Variants in CDIN1 observed in about 807,000 individuals in gnomAD.
CDIN1 encodes the protein CDAN1-interacting nuclease 1.
In CDIN1, 33 loss-of-function variants were observed where a neutral mutation model predicts 45.3. The ratio of observed to expected loss-of-function variants is 0.73; its 90% CI spans 0.55 to 0.97. The LOEUF (loss-of-function observed/expected upper bound fraction) is 0.97, where lower values mean the gene tolerates loss of function less well. Among genes scored for constraint, CDIN1 ranks in the 50% least tolerant of loss-of-function variants. CDIN1 has a pLI of 0.00. For missense variants in CDIN1, 303 were observed against 339.4 expected, an observed-to-expected ratio of 0.89 and a Z score of 0.84; for synonymous variants, 118 against 124.4, an observed-to-expected ratio of 0.95 and a Z score of 0.34.
chr15:36,793,037 C>A (rs372585999), intron 10 of CDIN1, among the ~76,000 whole-genome samples: 17 of 152,112 alleles, frequency 1.1e-4, no homozygotes, highest in African/African-American at 3.9e-4. Flanking sequence ...AGTATCTCCC[C>A]CCTCTTACCC....
intron 5 of CDIN1, among the ~76,000 whole-genome samples, chr15:36,674,329 A>G (rs937379272): frequency 2.0e-5 from 3 of 152,292 alleles, no homozygotes; most frequent in African/African-American, 7.2e-5. Context: ...ACTGAAACAC[A>G]CAAAGTCATT....
intron 10 of CDIN1, chr15:36,799,407 C>G (rs2141120219): frequency 6.6e-6 from 1 of 152,308 alleles, no homozygotes; most frequent in East Asian, 1.9e-4. Flanking sequence ...AACTCATCCT[C>G]CCGTTTCCCA....
chr15:36,679,667 T>C (rs2041782542), intron 5 of CDIN1, among the ~76,000 whole-genome samples: 1 of 152,224 alleles, frequency 6.6e-6, no homozygotes, highest in Non-Finnish European at 1.5e-5. Context: ...TCCTGTTATA[T>C]GACTTTCAAG....
At chr15:36,753,450 C>T (rs749715781) in intron 10 of CDIN1, among the ~76,000 whole-genome samples, 2 of 151,890 alleles carry the variant, frequency 1.3e-5, no homozygotes, top group East Asian at 1.9e-4. Flanking sequence ...GTATGGCTAC[C>T]GGGTTAGATC....
At chr15:36,781,909 A>G (rs1300099819) in intron 10 of CDIN1, among the ~76,000 whole-genome samples, 1 of 152,176 alleles carries the variant, frequency 6.6e-6, no homozygotes, top group African/African-American at 2.4e-5. Flanking sequence ...GTCCTCACCA[A>G]TCTCAGAAGC....
intron 1 of CDIN1, among the ~76,000 whole-genome samples, chr15:36,588,419 T>G (rs755602214): frequency 1.6e-4 from 24 of 152,300 alleles, no homozygotes; most frequent in East Asian, 5.8e-4. Context: ...CTGATAATTT[T>G]GTGGTGGACC....
At chr15:36,690,505 A>T (rs2140701372) in intron 5 of CDIN1, among the ~76,000 whole-genome samples, 1 of 151,996 alleles carries the variant, frequency 6.6e-6, no homozygotes, top group South Asian at 2.1e-4. Flanking sequence ...CCTGACCTCA[A>T]GATCCACCCG....
At chr15:36,793,051 C>T (rs1036187684) in intron 10 of CDIN1, among the ~76,000 whole-genome samples, 2 of 152,164 alleles carry the variant, frequency 1.3e-5, no homozygotes, top group African/African-American at 4.8e-5. Context: ...CTTACCCACT[C>T]GGTGAACTTT....
chr15:36,803,938 T>A (rs2055135624), intron 10 of CDIN1, among the ~76,000 whole-genome samples: 1 of 152,198 alleles, frequency 6.6e-6, no homozygotes. Flanking sequence ...GACTCTCTTT[T>A]TCTGGTTAAA....
chr15:36,595,030 G>A, intron 1 of CDIN1: 1 of 513,396 alleles, frequency 1.9e-6, no homozygotes, highest in African/African-American at 2.1e-5. Context: ...TGTTCTTATG[G>A]CTTATGGAAA....
At chr15:36,607,105 T>G (rs925675363) in intron 1 of CDIN1, among the ~76,000 whole-genome samples, 4 of 152,184 alleles carry the variant, frequency 2.6e-5, no homozygotes, top group African/African-American at 9.7e-5. Context: ...TGTTAAAATT[T>G]TAAGTGTCAC....
rs141527899 is a variant in CDIN1, at chr15:36,795,808, T to A, written c.717-12516T>A. Reference sequence around the variant, plus strand: ...ACCTCGAACTCCTGGGCCCAAGCAATCTTCCCATCTCAGCCTCCTAAAATG... The same window carrying A: ...ACCTCGAACTCCTGGGCCCAAGCAAACTTCCCATCTCAGCCTCCTAAAATG... On this transcript the variant is annotated intron_variant, in intron 10 of 10. Transcript: ENST00000566621. Among the ~76,000 whole-genome samples the A allele has an allele frequency of 1.4e-3, 212 of 152,200 alleles. 1 individual carries two copies. Among genetic ancestry groups the A allele is most frequent in the East Asian group, 8.1e-3 (42 of 5,176 alleles).
chr15:36,745,950 A>C (rs1274820074), intron 10 of CDIN1, among the ~76,000 whole-genome samples: 3 of 152,140 alleles, frequency 2.0e-5, no homozygotes, highest in African/African-American at 7.2e-5. Context: ...TGGGCGACAG[A>C]GTGAGACGCC....
chr15:36,662,030 C>G (rs553307641), intron 5 of CDIN1, among the ~76,000 whole-genome samples: 11 of 152,260 alleles, frequency 7.2e-5, no homozygotes, highest in Admixed American at 7.2e-4. Flanking sequence ...GCTACTGAGT[C>G]TGAATATAAG....
intron 10 of CDIN1, among the ~76,000 whole-genome samples, chr15:36,803,786 G>C (rs1277867478): frequency 6.6e-6 from 1 of 152,018 alleles, no homozygotes; most frequent in Non-Finnish European, 1.5e-5. Flanking sequence ...TTCTAAATCA[G>C]ACATACTCTT....
chr15:36,801,874 T>C (rs1279305453), intron 10 of CDIN1, among the ~76,000 whole-genome samples: 1 of 152,198 alleles, frequency 6.6e-6, no homozygotes, highest in Non-Finnish European at 1.5e-5. Flanking sequence ...GATACTTAAA[T>C]TGAAATAAGT....
chr15:36,722,019 A>C (rs1297319182), intron 10 of CDIN1, among the ~76,000 whole-genome samples: 2 of 151,474 alleles, frequency 1.3e-5, no homozygotes, highest in African/African-American at 4.9e-5. Context: ...ACTGTTCTTC[A>C]TTGCTTGATG....
chr15:36,698,032 A>G (rs1436771143), intron 8 of CDIN1, among the ~76,000 whole-genome samples: 1 of 152,192 alleles, frequency 6.6e-6, no homozygotes, highest in African/African-American at 2.4e-5. Context: ...TCCACTTTAA[A>G]TATGGTAATT....
At chr15:36,593,218 A>C (rs554677523) in intron 1 of CDIN1, among the ~76,000 whole-genome samples, 1 of 152,316 alleles carries the variant, frequency 6.6e-6, no homozygotes, top group Non-Finnish European at 1.5e-5. Flanking sequence ...GCATATTAGA[A>C]CTGAAAATAT....
Sources: allele counts gnomAD v4.1 joint callset (sites outside exome capture counted in the v4.1 genomes callset), GRCh38; gene constraint gnomAD v4.1.1; transcripts MANE v1.5; gene names NCBI Gene and HGNC (gene_info 2026-07-23, HGNC 2026-07-21).